The following SV2C variants were observed in gnomAD, a reference collection of about 807,000 sequenced individuals.
The protein encoded by SV2C is solute carrier family 22 member B3.
In SV2C, 49 loss-of-function variants were observed where a neutral mutation model predicts 79.7. That is an observed-to-expected ratio of 0.61 (90% confidence interval 0.49 to 0.78). The LOEUF (loss-of-function observed/expected upper bound fraction) is 0.78, where lower values mean the gene tolerates loss of function less well. Ranked by LOEUF, SV2C falls within the 30% of genes least tolerant of loss-of-function variation. The pLI is 0.00. For missense variants in SV2C, 833 were observed against 912.9 expected (o/e 0.91, Z 1.13); for synonymous variants, 334 against 333.2 (o/e 1.00, Z -0.03).
In SV2C at chr5:76,185,940, T is replaced by C. The variant is rs1283811557; in HGVS notation, c.581-8979T>C. Among the ~76,000 whole-genome samples the C allele has an allele frequency of 2.0e-5, 3 of 152,232 alleles. No homozygotes were observed. The East Asian group carries it at 5.8e-4, about 29-fold the overall frequency. ...AGGCTGCAAGTTTTTCAAACTTTTA[T>C]GCTCTGCTTCCTCTTGAACACTTTG... On this transcript the variant is annotated intron_variant, in intron 2 of 12. Coordinates refer to ENST00000502798, the MANE Select transcript of SV2C (RefSeq NM_014979.4).
the SV2C span, among the ~76,000 whole-genome samples, chr5:75,954,084 G>C: frequency 6.6e-6 from 1 of 152,000 alleles, no homozygotes; most frequent in Non-Finnish European, 1.5e-5. Context: ...ATGGTGATTT[G>C]TCCTGGCACA....
At chr5:76,215,862 C>A (rs1313288435) in intron 4 of SV2C, among the ~76,000 whole-genome samples, 1 of 151,648 alleles carries the variant, frequency 6.6e-6, no homozygotes, top group African/African-American at 2.4e-5. Context: ...CACAGAGGCT[C>A]GTGGACAAAG....
the SV2C span, among the ~76,000 whole-genome samples, chr5:76,022,548 A>C: frequency 1.3e-5 from 2 of 152,328 alleles, no homozygotes. Flanking sequence ...TGAAGTAATC[A>C]GCCATAGCAG....
chr5:76,278,133 G>A (rs1747077542), intron 4 of SV2C, among the ~76,000 whole-genome samples: 1 of 152,184 alleles, frequency 6.6e-6, no homozygotes, highest in African/African-American at 2.4e-5. Context: ...CTGTGGTCCT[G>A]TAACCTGCAG....
chr5:76,258,114 T>G (rs542299177), intron 4 of SV2C, among the ~76,000 whole-genome samples: 1 of 143,206 alleles, frequency 7.0e-6, no homozygotes, highest in East Asian at 2.1e-4. Context: ...TGTGGGGGTG[T>G]GGTGTATGGT....
upstream of SV2C, among the ~76,000 whole-genome samples, chr5:76,082,639 C>T (rs539375330): frequency 2.0e-5 from 3 of 150,226 alleles, no homozygotes; most frequent in Non-Finnish European, 3.0e-5. Context: ...TCTCCACCCC[C>T]CCCCCCTCAT....
At chr5:76,185,799 C>T (rs7443577) in intron 2 of SV2C, among the ~76,000 whole-genome samples, 105,311 of 151,836 alleles carry the variant, frequency 0.69, 37,799 homozygotes, top group East Asian at 0.91. Flanking sequence ...CCCCATTGTC[C>T]TGGTGATTCA....
At chr5:75,884,427 T>C in the SV2C span, among the ~76,000 whole-genome samples, 1 of 152,168 alleles carries the variant, frequency 6.6e-6, no homozygotes, top group African/African-American at 2.4e-5. Context: ...AGCTAAATAA[T>C]ATCCTACAGA....
chr5:76,281,005 A>C (rs1328372598), intron 4 of SV2C: 6 of 539,744 alleles, frequency 1.1e-5, no homozygotes, highest in Non-Finnish European at 1.9e-5. Flanking sequence ...AGGGAGGCAG[A>C]AATGAGAAAC....
At chr5:75,960,806 G>C in the SV2C span, among the ~76,000 whole-genome samples, 1 of 151,832 alleles carries the variant, frequency 6.6e-6, no homozygotes, top group Admixed American at 6.6e-5. Context: ...ATATCTGCCT[G>C]CATTCATTTA....
At chr5:76,180,325 C>CT (rs1743681114) in intron 2 of SV2C, among the ~76,000 whole-genome samples, 1 of 152,130 alleles carries the variant, frequency 6.6e-6, no homozygotes, top group South Asian at 2.1e-4. Flanking sequence ...TATGCTTAAA[C>CT]TTAAGAAGAT....
the SV2C span, among the ~76,000 whole-genome samples, chr5:76,057,786 G>A: frequency 6.6e-6 from 1 of 151,992 alleles, no homozygotes; most frequent in South Asian, 2.1e-4. Flanking sequence ...ATTATTCTGG[G>A]TTAAATGAAG....
At chr5:76,005,260 T>C in the SV2C span, among the ~76,000 whole-genome samples, 1 of 152,212 alleles carries the variant, frequency 6.6e-6, no homozygotes, top group Non-Finnish European at 1.5e-5. Context: ...CATAAAAAGA[T>C]ATCTACTAGG....
chr5:76,004,941 G>T, the SV2C span, among the ~76,000 whole-genome samples: 1 of 152,144 alleles, frequency 6.6e-6, no homozygotes, highest in Admixed American at 6.6e-5. Flanking sequence ...GTGACTTGGG[G>T]CATACCTTGT....
intron 1 of SV2C, among the ~76,000 whole-genome samples, chr5:76,089,769 C>G (rs1029671715): frequency 6.6e-6 from 1 of 152,194 alleles, no homozygotes; most frequent in Non-Finnish European, 1.5e-5. Flanking sequence ...TTGCATTTCT[C>G]TAATGATCAG....
chr5:76,229,977 A>T (rs1745364210), intron 4 of SV2C, among the ~76,000 whole-genome samples: 1 of 152,216 alleles, frequency 6.6e-6, no homozygotes, highest in Admixed American at 6.5e-5. Flanking sequence ...ATTCACATGT[A>T]AGTCATGAGT....
chr5:76,102,672 A>G (rs990211742), intron 1 of SV2C, among the ~76,000 whole-genome samples: 1 of 152,214 alleles, frequency 6.6e-6, no homozygotes, highest in African/African-American at 2.4e-5. Context: ...TGTCAGGCTT[A>G]AAAACCCAAG....
intron 1 of SV2C, among the ~76,000 whole-genome samples, chr5:76,112,499 G>T (rs562506899): frequency 4.6e-5 from 7 of 152,122 alleles, no homozygotes; most frequent in Admixed American, 1.3e-4. Context: ...CCAAGGGGAT[G>T]GGGGGGAGGA....
At chr5:76,193,096 C>G (rs1744157303) in intron 2 of SV2C, among the ~76,000 whole-genome samples, 1 of 152,200 alleles carries the variant, frequency 6.6e-6, no homozygotes, top group East Asian at 1.9e-4. Flanking sequence ...TGTTTTTGTC[C>G]TTCTCTGAAT....
Sources: gnomAD v4.1 joint callset for allele counts (sites outside exome capture counted in the v4.1 genomes callset) on GRCh38, gnomAD v4.1.1 for gene constraint, MANE v1.5 for transcripts, NCBI Gene and HGNC (gene_info 2026-07-23, HGNC 2026-07-21) for gene names.